The following ODAD1 variants were observed in gnomAD, a reference collection of about 807,000 sequenced individuals.
ODAD1 encodes the protein outer dynein arm docking complex subunit 1, also known as outer dynein arm-docking complex subunit 1.
In ODAD1, 49 loss-of-function variants were observed where a neutral mutation model predicts 67.2. The ratio of observed to expected loss-of-function variants is 0.73; its 90% CI spans 0.58 to 0.92. The LOEUF is 0.92. Ranked by LOEUF, ODAD1 falls within the 40% of genes least tolerant of loss-of-function variation. The pLI, the probability that ODAD1 is intolerant of heterozygous loss-of-function variation, is 0.00. For synonymous variants in ODAD1, 345 were observed against 393.7 expected, an observed-to-expected ratio of 0.88 and a Z score of 1.46; for missense variants, 897 against 953.7, an observed-to-expected ratio of 0.94 and a Z score of 0.78.
chr19:48,320,202 G>A (rs1481894911), intron 3 of ODAD1, 97 bp downstream of exon 3: 1 of 931,602 alleles, frequency 1.1e-6, no homozygotes, highest in Non-Finnish European at 1.4e-6. Flanking sequence ...GGCGCTCCTG[G>A]ACAGACACTC....
chr19:48,303,889 G>A, intron 9 of ODAD1, 64 bp downstream of exon 9: 1 of 1,586,082 alleles, frequency 6.3e-7, no homozygotes, highest in Non-Finnish European at 8.6e-7. Flanking sequence ...GCACGAAGGT[G>A]TGCTGCAGGT....
At chr19:48,314,558 A>G (rs1384857008) in intron 5 of ODAD1, among the ~76,000 whole-genome samples, 3 of 152,184 alleles carry the variant, frequency 2.0e-5, no homozygotes, top group African/African-American at 4.8e-5. Context: ...GCAGTTCACA[A>G]GTTCAACATG....
At chr19:48,308,440 T>A (rs1968674541) in intron 7 of ODAD1, among the ~76,000 whole-genome samples, 1 of 152,302 alleles carries the variant, frequency 6.6e-6, no homozygotes, top group Middle Eastern at 3.4e-3. Context: ...CCTCCCAAAG[T>A]GCTGGAATTA....
At chr19:48,298,455 G>C in intron 12 of ODAD1, 115 bp from the exon 13 acceptor site, 2 of 1,082,754 alleles carry the variant, frequency 1.8e-6, no homozygotes, top group Non-Finnish European at 2.7e-6. Context: ...AAGGCTCAGA[G>C]ACCAAAAGGG....
At chr19:48,300,697 C>A (rs1169280392) in intron 12 of ODAD1, among the ~76,000 whole-genome samples, 1 of 151,992 alleles carries the variant, frequency 6.6e-6, no homozygotes, top group Admixed American at 6.6e-5. Context: ...TTTAAAAAAA[C>A]AAGTGCACAA....
intron 8 of ODAD1, among the ~76,000 whole-genome samples, chr19:48,304,617 C>CA (rs11324459): frequency 2.8e-5 from 4 of 143,040 alleles, no homozygotes; most frequent in Admixed American, 2.1e-4. Context: ...GAAACTGTCT[C>CA]AAAAAAAAAA....
At chr19:48,314,387 C>T (rs1310925043) in intron 5 of ODAD1, among the ~76,000 whole-genome samples, 4 of 152,166 alleles carry the variant, frequency 2.6e-5, no homozygotes, top group African/African-American at 9.7e-5. Context: ...TACGAGCCAC[C>T]CAATTTGTGG....
chr19:48,305,264 G>A (rs1968575757), intron 8 of ODAD1, among the ~76,000 whole-genome samples: 1 of 152,194 alleles, frequency 6.6e-6, no homozygotes, highest in African/African-American at 2.4e-5. Context: ...AGCAGCTTCA[G>A]CTCCTCAACT....
At chr19:48,313,250 G>A (rs768949151) in intron 5 of ODAD1, among the ~76,000 whole-genome samples, 87 of 151,834 alleles carry the variant, frequency 5.7e-4, no homozygotes, top group Non-Finnish European at 9.7e-4. Context: ...CCAACATGGC[G>A]AAACCCCACC....
chr19:48,317,842 G>A (rs1306071701), intron 5 of ODAD1, among the ~76,000 whole-genome samples: 1 of 152,046 alleles, frequency 6.6e-6, no homozygotes, highest in South Asian at 2.1e-4. Context: ...GGAGGCCGAG[G>A]TGGGCGGATC....
At chr19:48,310,935 G>A (rs373902258) in intron 7 of ODAD1, among the ~76,000 whole-genome samples, 12 of 151,928 alleles carry the variant, frequency 7.9e-5, no homozygotes, top group East Asian at 1.9e-4. Context: ...AAAATCGGCC[G>A]GGTGTGGTGG....
rs181011260 is a variant in ODAD1, at chr19:48,297,096, G to A, written c.2004C>T (p.Ser668=). ...GGENTEGGVE[S]GGTASDSSGG... ...CGCTCGAATCAGACGCTGTGCCTCC[G>A]CTCTCCACACCACCCTCTGTGTTTT... Residue 668 remains serine (S), a synonymous_variant, in exon 16 of 16, where the codon AGC becomes AGT. Transcript: ENST00000674294. 3.4e-5 allele frequency: 55 copies of A among 1,613,364 alleles called. No individual in the cohort carries two copies. Among genetic ancestry groups the A allele is most frequent in the Middle Eastern group, 1.6e-4 (1 of 6,080 alleles).
rs759391024 is a variant in ODAD1, at chr19:48,297,530, G to C, written c.1582-12C>G. On this transcript the variant is annotated splice_polypyrimidine_tract_variant and intron_variant, in intron 15 of 15. Transcript: ENST00000674294. ...TCCTGGAGCTCCACCTGCAGGGAAG[G>C]TGAACTGGGCCCCGACACACACTGA... 5 of 1,601,876 alleles carry C rather than the reference G, an allele frequency of 3.1e-6. No homozygotes were observed. The highest frequency in any genetic ancestry group is 4.3e-6 in the Non-Finnish European group (5 of 1,174,566).
intron 5 of ODAD1, among the ~76,000 whole-genome samples, chr19:48,316,748 A>G (rs915776440): frequency 3.9e-4 from 59 of 152,282 alleles, no homozygotes; most frequent in African/African-American, 1.4e-3. Context: ...TTGTAACCCC[A>G]GCACTTTGGG....
Position 48,297,316 on chromosome 19 carries a change from C to A in ODAD1, c.1784G>T (p.Gly595Val). Residue 595 changes from glycine to valine, a missense_variant, in exon 16 of 16, where the codon GGC (glycine) becomes GTC (valine). Physicochemically the swap from Gly to Val is moderately radical, Grantham distance 109. Transcript: ENST00000674294. Reference sequence around the variant, plus strand: ...GCTGAGGCCGCCAAAAGTGACGTGGCCAAGAGAGCCACGGTCTCTGCTAGT... The same window carrying A: ...GCTGAGGCCGCCAAAAGTGACGTGGACAAGAGAGCCACGGTCTCTGCTAGT... Reference protein sequence around the residue: ...HKTSRDRGSLGHVTFGGLSSS... With the variant: ...HKTSRDRGSLVHVTFGGLSSS... 6.2e-7 allele frequency: 1 copy of A among 1,613,516 alleles called. No individual in the cohort carries two copies. Among genetic ancestry groups the A allele is most frequent in the Non-Finnish European group, 8.5e-7 (1 of 1,180,006 alleles).
rs1335679179 is a variant in ODAD1, at chr19:48,318,509, G to C, written c.238C>G (p.Gln80Glu). The change falls in exon 5 of 16, where the codon CAG (glutamine) becomes GAG (glutamate). Residue 80 changes from glutamine (Q) to glutamate (E), a missense_variant. Coordinates refer to ENST00000674294, the MANE Select transcript of ODAD1 (RefSeq NM_001364171.2). ...TGACTGTCCCGAAGCCGCTTGACCT[G>C]GTTCTGGGCTGCGCTGATCTGCACC... ...LQVQISAAQN[Q>E]VKRLRDSQRL... 2 of 1,551,648 alleles carry C rather than the reference G, an allele frequency of 1.3e-6. No homozygotes were observed. The highest frequency in any genetic ancestry group is 1.7e-6 in the Non-Finnish European group (2 of 1,146,992).
At chr19:48,317,210 G>GTATATA (rs35611945) in intron 5 of ODAD1, among the ~76,000 whole-genome samples, 25 of 148,294 alleles carry the variant, frequency 1.7e-4, no homozygotes, top group African/African-American at 5.7e-4. Flanking sequence ...ATTAAAAAAT[G>GTATATA]TATATATATA....
chr19:48,300,166 C>T (rs990627294), intron 12 of ODAD1, among the ~76,000 whole-genome samples: 1 of 151,962 alleles, frequency 6.6e-6, no homozygotes, highest in Non-Finnish European at 1.5e-5. Context: ...ATTAGTTGGG[C>T]GTGGTGGCGG....
intron 5 of ODAD1, among the ~76,000 whole-genome samples, chr19:48,314,019 G>A (rs756775241): frequency 2.6e-5 from 4 of 152,142 alleles, no homozygotes; most frequent in Non-Finnish European, 5.9e-5. Context: ...GAGATGGGTG[G>A]ATAACTTGAG....
Sources: gnomAD v4.1 joint callset for allele counts (sites outside exome capture counted in the v4.1 genomes callset) on GRCh38, gnomAD v4.1.1 for gene constraint, MANE v1.5 for transcripts, NCBI Gene and HGNC (gene_info 2026-07-23, HGNC 2026-07-21) for gene names.